ANKEF1: variants seen among roughly 807,000 people sequenced by gnomAD.
The protein encoded by ANKEF1 is ankyrin repeat and EF-hand domain containing 1, also known as ankyrin repeat and EF-hand domain-containing protein 1.
A neutral mutation model predicts 65.1 loss-of-function variants in ANKEF1; 43 were observed. The observed-to-expected ratio is 0.66, with a 90% CI of 0.52 to 0.85. The LOEUF is 0.85. Ranked by LOEUF, ANKEF1 falls within the 40% of genes least tolerant of loss-of-function variation. The pLI is 0.00. For synonymous variants in ANKEF1, 316 were observed against 341.5 expected (o/e 0.93, Z 0.82); for missense variants, 934 against 952.9 (o/e 0.98, Z 0.26).
intron 6 of ANKEF1, 54 bp from the exon 7 acceptor site, chr20:10,049,336 T>C (rs1344890135): frequency 1.4e-6 from 2 of 1,478,648 alleles, no homozygotes; most frequent in African/African-American, 1.4e-5. Flanking sequence ...GTGTCACTTA[T>C]AGCCATGCAA....
Position 10,050,198 on chromosome 20 carries a change from T to C in ANKEF1, c.1629T>C (p.Phe543=). 1 of 1,606,624 alleles carries C rather than the reference T, an allele frequency of 6.2e-7. No individual in the cohort carries two copies. The highest frequency in any genetic ancestry group is 8.5e-7 in the Non-Finnish European group (1 of 1,176,072). ...GTGGAAACATAGATGTGGTCAAGTT[T>C]CTTCTTGAAAAAGGGTACGCGTCTC... ...CASGNIDVVK[F]LLEKGANVNA... Residue 543 remains phenylalanine (F), a synonymous_variant, in exon 7 of 11, where the codon TTT becomes TTC. Transcript: ENST00000378392.
intron 8 of ANKEF1, 124 bp downstream of exon 8, chr20:10,052,013 C>A: frequency 2.8e-6 from 2 of 710,580 alleles, no homozygotes; most frequent in Non-Finnish European, 4.5e-6. Context: ...CAAACACAAG[C>A]CTGAGTTAAA....
At position 10,051,856 on chromosome 20, in the gene ANKEF1, A is replaced by G; in HGVS notation, c.1837A>G (p.Ile613Val). The change falls in exon 8 of 11, where the codon ATT becomes GTT. Residue 613 changes from isoleucine (I) to valine (V), a missense_variant. Physicochemically the swap from Ile to Val is conservative, Grantham distance 29. Coordinates refer to ENST00000378392, the MANE Select transcript of ANKEF1 (RefSeq NM_022096.6). ...GGATACAGTAAAATACCTACTTGATATTGGTGCTAAATTCCAGCTGGAAAA... is the reference window on the plus strand; with the variant it reads ...GGATACAGTAAAATACCTACTTGATGTTGGTGCTAAATTCCAGCTGGAAAA... ...RLDTVKYLLD[I>V]GAKFQLENRK... The G allele has an allele frequency of 1.2e-6, 2 of 1,612,652 alleles. No individual in the cohort carries two copies. The highest frequency in any genetic ancestry group is 1.7e-6 in the Non-Finnish European group (2 of 1,179,590).
Position 10,053,845 on chromosome 20 carries a change from T to C in ANKEF1, c.2034+570T>C, listed in dbSNP as rs184049275. 6.6e-5 allele frequency among the ~76,000 whole-genome samples: 10 copies of C among 151,946 alleles called. No homozygotes were observed. In the East Asian group the frequency reaches 1.9e-3, roughly 29 times the overall value. On this transcript the variant is annotated intron_variant, in intron 9 of 10. Coordinates refer to ENST00000378392, the MANE Select transcript of ANKEF1 (RefSeq NM_022096.6). ...TTTCAACGTTTCTGGTAATCCGGAG[T>C]GATTTGGAACTTCTAAACTGCAGTG...
In ANKEF1 at chr20:10,037,059, G is replaced by A. The variant is rs574940606; in HGVS notation, c.-44-1199G>A. Among the ~76,000 whole-genome samples, 10 of 152,296 alleles carry A rather than the reference G, an allele frequency of 6.6e-5. No individual in the cohort carries two copies. In the East Asian group the frequency reaches 1.9e-3, roughly 29 times the overall value. On this transcript the variant is annotated intron_variant, in intron 2 of 10. Coordinates refer to ENST00000378392, the MANE Select transcript of ANKEF1 (RefSeq NM_022096.6). ...ACATTTAAAGGAGAGAGAGCTCACT[G>A]CCGTAGAGAATGTAGGTGAGGGAGC...
chr20:10,045,384 C>T (rs1402484405), intron 5 of ANKEF1, among the ~76,000 whole-genome samples, 190 bp from the exon 6 acceptor site: 2 of 152,178 alleles, frequency 1.3e-5, no homozygotes, highest in South Asian at 4.1e-4. Context: ...CTTTTGAGTA[C>T]TTTAAATGTG....
At chr20:10,054,910 T>C (rs1985059934) in intron 10 of ANKEF1, among the ~76,000 whole-genome samples, 2 of 152,222 alleles carry the variant, frequency 1.3e-5, no homozygotes, top group Admixed American at 6.5e-5. Context: ...ATACTTTTTT[T>C]TGGTACTTCT....
At position 10,051,803 on chromosome 20, in the gene ANKEF1, T is replaced by C. The variant is rs1466163008; in HGVS notation, c.1784T>C (p.Leu595Ser). Residue 595 changes from leucine to serine, a missense_variant, in exon 8 of 11, where the codon TTA becomes TCA. By Grantham distance (145) the Leu-to-Ser change is moderately radical. Coordinates refer to ENST00000378392, the MANE Select transcript of ANKEF1 (RefSeq NM_022096.6). ...GCTTCAATCAACAACTCAACTCCTT[T>C]AAATAGAGCCATTGAAAGCTGCAGA... ...DAASINNSTP[L>S]NRAIESCRLD... The C allele has an allele frequency of 1.2e-6, 2 of 1,613,706 alleles. No individual in the cohort carries two copies. The highest frequency in any genetic ancestry group is 3.3e-5 in the Admixed American group (2 of 59,998).
intron 6 of ANKEF1, 100 bp downstream of exon 6, chr20:10,045,797 T>A (rs1175418819): frequency 8.0e-7 from 1 of 1,243,012 alleles, no homozygotes; most frequent in Admixed American, 2.1e-5. Flanking sequence ...TGGCTTATTT[T>A]TTTCTATAGC....
At chr20:10,051,281 C>T (rs952675506) in intron 7 of ANKEF1, among the ~76,000 whole-genome samples, 1 of 152,008 alleles carries the variant, frequency 6.6e-6, no homozygotes, top group African/African-American at 2.4e-5. Context: ...CTAAAAAGGA[C>T]TAAAATGTTA....
Position 10,043,336 on chromosome 20 carries a change from G to C in ANKEF1, c.546+15G>C. Reference sequence around the variant, plus strand: ...CAATCAACTCAGTATGGCTATTCTTGTGATTACAAATATTTCTTGTTTCAA... The same window carrying C: ...CAATCAACTCAGTATGGCTATTCTTCTGATTACAAATATTTCTTGTTTCAA... On this transcript the variant is annotated intron_variant, in intron 4 of 10. Coordinates refer to ENST00000378392, the MANE Select transcript of ANKEF1 (RefSeq NM_022096.6). 1 of 1,609,606 alleles carries C rather than the reference G, an allele frequency of 6.2e-7. No individual in the cohort carries two copies. The highest frequency in any genetic ancestry group is 1.1e-5 in the South Asian group (1 of 90,908).
In ANKEF1 at chr20:10,053,210, C is replaced by T. The variant is rs370343501; in HGVS notation, c.1969C>T (p.Gln657Ter). 1.2e-6 allele frequency: 2 copies of T among 1,613,234 alleles called. No individual in the cohort carries two copies. Among genetic ancestry groups the T allele is most frequent in the African/African-American group, 2.7e-5 (2 of 74,818 alleles). Reference protein sequence around the residue: ...LDNLPKPAENQKLKGKTPPIL... With the variant: ...LDNLPKPAEN ...TAACTTGCCGAAACCAGCAGAAAAT[C>T]AAAAACTAAAAGGCAAGACACCTCC... Residue 657 changes from glutamine (Q) to a stop codon, truncating the protein, a stop_gained, in exon 9 of 11, where the codon CAA becomes TAA. Transcript: ENST00000378392. LOFTEE classifies it high-confidence loss of function.
At chr20:10,040,707 G>A (rs6087111) in intron 3 of ANKEF1, 1 of 152,130 alleles carries the variant, frequency 6.6e-6, no homozygotes, top group Admixed American at 6.5e-5. Flanking sequence ...CTTCAATTTA[G>A]GAATGCTGAT....
In ANKEF1 at chr20:10,038,512, G is replaced by A. The variant is rs1983993520; in HGVS notation, c.211G>A (p.Gly71Ser). The change falls in exon 3 of 11, where the codon GGT becomes AGT. Residue 71 changes from glycine (G) to serine (S), a missense_variant. Transcript: ENST00000378392. ...TATGGTCAGCTTTCTCCTTGACCTTGGTGCTCACCCTGATGTGCAAGACCG... is the reference window on the plus strand; with the variant it reads ...TATGGTCAGCTTTCTCCTTGACCTTAGTGCTCACCCTGATGTGCAAGACCG... ...IDMVSFLLDLGAHPDVQDRMG... is the reference protein window; with the variant it reads ...IDMVSFLLDLSAHPDVQDRMG... 6.2e-7 allele frequency: 1 copy of A among 1,614,196 alleles called. No individual in the cohort carries two copies. Among genetic ancestry groups the A allele is most frequent in the Non-Finnish European group, 8.5e-7 (1 of 1,180,042 alleles).
In ANKEF1 at chr20:10,057,209, C is replaced by T. The variant is rs6087122; in HGVS notation, c.*1549C>T. 1.3e-5 allele frequency: 2 copies of T among 152,242 alleles called. No homozygotes were observed. Among genetic ancestry groups the T allele is most frequent in the African/African-American group, 2.4e-5 (1 of 41,432 alleles). The allele number at this position is 152,242 out of a possible 1,614,324, so 9.4% of individuals were successfully genotyped here. On this transcript the variant is annotated 3_prime_UTR_variant, in exon 11 of 11. Transcript: ENST00000378392. ...CCTCTCTTTCCAACCTTGGAGGGAC[C>T]TTCCACAGGAGCCAGTTAGGGAGGA...
At chr20:10,054,364 T>C in intron 9 of ANKEF1, 98 bp from the exon 10 acceptor site, 8 of 988,456 alleles carry the variant, frequency 8.1e-6, no homozygotes, top group Non-Finnish European at 1.1e-5. Context: ...CATTTTTAGG[T>C]TTCTTTCTGG....
intron 4 of ANKEF1, 55 bp from the exon 5 acceptor site, chr20:10,044,339 C>G: frequency 2.5e-6 from 4 of 1,574,344 alleles, no homozygotes; most frequent in Non-Finnish European, 3.5e-6. Context: ...ACTGATTCTG[C>G]TACTTAATAT....
At position 10,057,013 on chromosome 20, in the gene ANKEF1, C is replaced by T. The variant is rs573393813; in HGVS notation, c.*1353C>T. On this transcript the variant is annotated 3_prime_UTR_variant, in exon 11 of 11. Transcript: ENST00000378392. ...CTCTGCAGTAAAAAGCTAGCTGAGG[C>T]ATTATTCACACCAAGAAATGCAGTG... The T allele has an allele frequency of 1.3e-5, 2 of 152,298 alleles. No individual in the cohort carries two copies. The highest frequency in any genetic ancestry group is 4.8e-5 in the African/African-American group (2 of 41,568). The allele number at this position is 152,298 out of a possible 1,614,324, so 9.4% of individuals were successfully genotyped here. A position where few individuals can be genotyped will look rare whatever the true frequency, so the allele number is the denominator to read the frequency against.
At chr20:10,044,598 T>C in intron 5 of ANKEF1, 55 bp downstream of exon 5, 3 of 1,596,690 alleles carry the variant, frequency 1.9e-6, no homozygotes, top group Non-Finnish European at 2.6e-6. Context: ...CTGTCCTTTT[T>C]CTCAAATTTT....
Sources: allele counts gnomAD v4.1 joint callset (sites outside exome capture counted in the v4.1 genomes callset), GRCh38; gene constraint gnomAD v4.1.1; transcripts MANE v1.5; gene names NCBI Gene and HGNC (gene_info 2026-07-23, HGNC 2026-07-21).